The following PRDM16 variants were observed in gnomAD, a reference collection of about 807,000 sequenced individuals.
The protein encoded by PRDM16 is PR/SET domain 16.
PRDM16 carries 23 observed loss-of-function variants against 110.6 expected under a neutral mutation model. The ratio of observed to expected loss-of-function variants is 0.21; its 90% CI spans 0.15 to 0.29. The LOEUF is 0.29. Among genes scored for constraint, PRDM16 ranks in the 10% least tolerant of loss-of-function variants. The pLI is 1.00. For missense variants in PRDM16, 1,615 were observed against 1,794.3 expected (o/e 0.90, Z 1.81); for synonymous variants, 799 against 781.8 (o/e 1.02, Z -0.37).
chr1:3,129,799 C>A (rs1164868473), intron 1 of PRDM16, among the ~76,000 whole-genome samples: 3 of 152,318 alleles, frequency 2.0e-5, no homozygotes, highest in African/African-American at 7.2e-5. Context: ...AAGAATTTCT[C>A]TGCTCCCAAC....
At chr1:3,419,516 G>A (rs916179002) in intron 12 of PRDM16, among the ~76,000 whole-genome samples, 10 of 152,100 alleles carry the variant, frequency 6.6e-5, no homozygotes, top group African/African-American at 1.9e-4. Context: ...CATTTTAAGC[G>A]AGAGCCCCAG....
chr1:3,324,570 C>A (rs531657528), intron 3 of PRDM16, among the ~76,000 whole-genome samples: 24 of 152,136 alleles, frequency 1.6e-4, no homozygotes, highest in Non-Finnish European at 2.9e-4. Flanking sequence ...GTGACAACAT[C>A]CGAACAGCCG....
chr1:3,156,627 G>A (rs935849030), intron 1 of PRDM16, among the ~76,000 whole-genome samples: 2 of 152,190 alleles, frequency 1.3e-5, no homozygotes, highest in Non-Finnish European at 2.9e-5. Flanking sequence ...CAGGAACTGG[G>A]AAGGAGGGAA....
intron 1 of PRDM16, among the ~76,000 whole-genome samples, chr1:3,108,536 C>T (rs1642716447): frequency 6.6e-6 from 1 of 152,196 alleles, no homozygotes; most frequent in Non-Finnish European, 1.5e-5. Flanking sequence ...TTGGTTTATG[C>T]CTGGCAATGC....
At chr1:3,371,231 A>G (rs1304882825) in intron 3 of PRDM16, among the ~76,000 whole-genome samples, 2 of 144,250 alleles carry the variant, frequency 1.4e-5, no homozygotes, top group African/African-American at 5.1e-5. Flanking sequence ...CCACCCATCC[A>G]TCCATCCATT....
At chr1:3,335,965 G>T (rs997820966) in intron 3 of PRDM16, among the ~76,000 whole-genome samples, 1 of 152,230 alleles carries the variant, frequency 6.6e-6, no homozygotes, top group South Asian at 2.1e-4. Context: ...TGTGAACTCC[G>T]CTCCCTGAAG....
chr1:3,373,451 C>T (rs1235307964), intron 3 of PRDM16, among the ~76,000 whole-genome samples: 1 of 152,218 alleles, frequency 6.6e-6, no homozygotes, highest in East Asian at 1.9e-4. Context: ...CCCAGGCCGT[C>T]GTTGCAGACG....
At chr1:3,079,912 A>G (rs1557430753) in intron 1 of PRDM16, among the ~76,000 whole-genome samples, 1 of 152,230 alleles carries the variant, frequency 6.6e-6, no homozygotes, top group Non-Finnish European at 1.5e-5. Context: ...TGTGCCTTGA[A>G]AGAGCCACTT....
At chr1:3,210,399 G>A (rs191683064) in intron 2 of PRDM16, among the ~76,000 whole-genome samples, 10 of 152,350 alleles carry the variant, frequency 6.6e-5, no homozygotes, top group Middle Eastern at 3.4e-3. Flanking sequence ...GGAAGGAGCC[G>A]CACAGGCTCA....
chr1:3,411,233 C>T (rs1451637289), intron 8 of PRDM16, 151 bp from the exon 9 acceptor site: 6 of 697,932 alleles, frequency 8.6e-6, no homozygotes, highest in Non-Finnish European at 1.5e-5. Context: ...CATATACACC[C>T]ATGCCCACGC....
chr1:3,394,588 A>T, intron 4 of PRDM16: 1 of 370,310 alleles, frequency 2.7e-6, no homozygotes. Context: ...GAGAAGCCTC[A>T]GCCTCGCCCG....
intron 3 of PRDM16, among the ~76,000 whole-genome samples, chr1:3,277,798 C>CGCACACACAAAT (rs1253802703): frequency 3.9e-5 from 6 of 152,294 alleles, no homozygotes; most frequent in African/African-American, 9.6e-5. Flanking sequence ...CACACACAAA[C>CGCACACACAAAT]GCACAGTTGT....
intron 8 of PRDM16, among the ~76,000 whole-genome samples, chr1:3,408,855 CG>C (rs1643613436): frequency 2.2e-5 from 3 of 136,280 alleles, no homozygotes; most frequent in African/African-American, 8.2e-5. Flanking sequence ...TGTGAGAGCA[CG>C]AGGGTGGGCA....
At chr1:3,329,419 A>G (rs1005355490) in intron 3 of PRDM16, among the ~76,000 whole-genome samples, 8 of 151,592 alleles carry the variant, frequency 5.3e-5, no homozygotes, top group Admixed American at 3.9e-4. Context: ...GAATGGAATT[A>G]ATGGGATCCC....
intron 1 of PRDM16, among the ~76,000 whole-genome samples, chr1:3,177,380 G>A (rs78113663): frequency 0.018 from 2,783 of 152,310 alleles, 37 homozygotes; most frequent in Non-Finnish European, 0.027. Flanking sequence ...ACACGGGGTC[G>A]TTAGAGTGGC....
chr1:3,268,866 C>T (rs1472598), intron 3 of PRDM16, among the ~76,000 whole-genome samples: 39,140 of 152,174 alleles, frequency 0.26, 7,548 homozygotes, highest in African/African-American at 0.52. Context: ...TGAGGGGCAG[C>T]GTGGGAGGCT....
At chr1:3,250,347 G>A (rs975256218) in intron 3 of PRDM16, among the ~76,000 whole-genome samples, 2 of 152,244 alleles carry the variant, frequency 1.3e-5, no homozygotes, top group Non-Finnish European at 2.9e-5. Context: ...GGGCGGTCCC[G>A]CAGGGGCCCC....
intron 3 of PRDM16, among the ~76,000 whole-genome samples, chr1:3,361,006 G>C (rs888510700): frequency 2.0e-5 from 3 of 152,250 alleles, no homozygotes; most frequent in Non-Finnish European, 4.4e-5. Flanking sequence ...AGCCACTTGT[G>C]TGTGCTGGAG....
chr1:3,079,603 A>C (rs889465007), intron 1 of PRDM16, among the ~76,000 whole-genome samples: 2 of 152,182 alleles, frequency 1.3e-5, no homozygotes, highest in Non-Finnish European at 2.9e-5. Flanking sequence ...TTCCTTGCAA[A>C]TCACCCGCAG....
Sources: gnomAD v4.1 joint callset for allele counts (sites outside exome capture counted in the v4.1 genomes callset) on GRCh38, gnomAD v4.1.1 for gene constraint, MANE v1.5 for transcripts, NCBI Gene and HGNC (gene_info 2026-07-23, HGNC 2026-07-21) for gene names.